ATP9B: variants seen among roughly 807,000 people sequenced by gnomAD.
The protein encoded by ATP9B is probable phospholipid-transporting ATPase IIB.
In ATP9B, 110 loss-of-function variants were observed where a neutral mutation model predicts 146.1. The observed-to-expected ratio is 0.75, with a 90% CI of 0.65 to 0.88. ATP9B has a LOEUF of 0.88. ATP9B is among the 40% of genes least tolerant of loss of function. The probability of loss-of-function intolerance (pLI) is 0.00; values close to 1 mark genes in which losing one functional copy is unlikely to be tolerated. For synonymous variants in ATP9B, 604 were observed against 569.7 expected (o/e 1.06, Z -0.86); for missense variants, 1,499 against 1,496.4 (o/e 1.00, Z -0.03).
chr18:79,323,556 A>G (rs1218492205), intron 15 of ATP9B, among the ~76,000 whole-genome samples: 4 of 152,118 alleles, frequency 2.6e-5, no homozygotes, highest in Middle Eastern at 3.2e-3. Flanking sequence ...GAGAAGACCC[A>G]GTGTTTGTCT....
chr18:79,271,215 G>A (rs957694954), intron 12 of ATP9B, among the ~76,000 whole-genome samples: 1 of 152,006 alleles, frequency 6.6e-6, no homozygotes, highest in Non-Finnish European at 1.5e-5. Context: ...ATGACTTTCT[G>A]TAATACTTTG....
At chr18:79,328,187 GTGTGTTCTC>G (rs2096771512) in intron 15 of ATP9B, among the ~76,000 whole-genome samples, 2 of 151,432 alleles carry the variant, frequency 1.3e-5, no homozygotes, top group African/African-American at 4.8e-5. Context: ...TCTGTGGTTA[GTGTGTTCTC>G]CGTGGTTAGC....
Position 79,180,065 on chromosome 18 carries a change from T to TA in ATP9B, c.873+3159dup, listed in dbSNP as rs1466654667. On this transcript the variant is annotated intron_variant, in intron 8 of 29. Transcript: ENST00000426216. ...TTGAGACATCTATTTTGTTCTTTAC[T>TA]ATTATAGTAATTTCAGCTTTTTTTA... 2.0e-5 allele frequency among the ~76,000 whole-genome samples: 3 copies of TA among 152,366 alleles called. No homozygotes were observed. In the East Asian group the frequency reaches 5.8e-4, roughly 29 times the overall value.
intron 6 of ATP9B, among the ~76,000 whole-genome samples, chr18:79,152,383 A>C (rs889646575): frequency 1.3e-5 from 2 of 152,076 alleles, no homozygotes; most frequent in Non-Finnish European, 2.9e-5. Flanking sequence ...TTCCTTTCTT[A>C]TCAGTTTGTG....
At chr18:79,339,956 T>G (rs2147332811) in intron 19 of ATP9B, among the ~76,000 whole-genome samples, 1 of 152,298 alleles carries the variant, frequency 6.6e-6, no homozygotes, top group East Asian at 1.9e-4. Flanking sequence ...GCCAAAAAGT[T>G]GAATAACGAA....
At chr18:79,282,658 A>G (rs1250050334) in intron 13 of ATP9B, among the ~76,000 whole-genome samples, 5 of 152,240 alleles carry the variant, frequency 3.3e-5, no homozygotes, top group African/African-American at 1.2e-4. Flanking sequence ...TGAACTGGGA[A>G]ACGCAAAAAG....
chr18:79,365,549 AT>A (rs2097021543), intron 26 of ATP9B, among the ~76,000 whole-genome samples: 1 of 152,270 alleles, frequency 6.6e-6, no homozygotes, highest in Non-Finnish European at 1.5e-5. Flanking sequence ...TAAATCCTAT[AT>A]ATGAATGTTC....
intron 4 of ATP9B, among the ~76,000 whole-genome samples, chr18:79,114,053 C>T (rs1018645762): frequency 2.6e-5 from 4 of 152,170 alleles, no homozygotes; most frequent in Non-Finnish European, 5.9e-5. Context: ...CCACTGCAAC[C>T]TCCGCCTCCC....
rs532931384 is a variant in ATP9B at position 79,355,460 on chromosome 18, A to G, written c.2904-3894A>G. Among the ~76,000 whole-genome samples, 12 of 152,336 alleles carry G rather than the reference A, an allele frequency of 7.9e-5. No homozygotes were observed. In the East Asian group the frequency reaches 2.3e-3, roughly 29 times the overall value. ...TAGAGATGAGAAATAACCCAGACAA[A>G]AAAAAATGCCGTGACTGGGCTCAGC... On this transcript the variant is annotated intron_variant, in intron 25 of 29. Transcript: ENST00000426216.
At chr18:79,146,443 C>T (rs7232687) in intron 6 of ATP9B, 10,111 of 29,020 alleles carry the variant, frequency 0.35, 2,881 homozygotes, top group African/African-American at 0.66. Context: ...GGAGAGTGAC[C>T]GAAGGTGCAG....
chr18:79,341,568 C>T lies in ATP9B; in HGVS notation c.2284-700C>T, dbSNP rs550828471. 6.9e-4 allele frequency among the ~76,000 whole-genome samples: 100 copies of T among 145,694 alleles called. 1 individual carries two copies. Among genetic ancestry groups the T allele is most frequent in the African/African-American group, 2.3e-3 (87 of 38,314 alleles). On this transcript the variant is annotated intron_variant, in intron 19 of 29. Transcript: ENST00000426216. ...TTTAGTTGTGGTTGTATGTGTGTAG[C>T]GTGACCTCGTTGAAGCCTGTGTTGC...
chr18:79,082,769 C>T (rs1433710560), intron 1 of ATP9B, among the ~76,000 whole-genome samples: 1 of 152,240 alleles, frequency 6.6e-6, no homozygotes, highest in Non-Finnish European at 1.5e-5. Context: ...CCTGTTTCTT[C>T]CTCTGGAAGC....
chr18:79,119,101 G>A (rs2094144528), intron 4 of ATP9B, among the ~76,000 whole-genome samples: 1 of 146,766 alleles, frequency 6.8e-6, no homozygotes, highest in Admixed American at 6.7e-5. Context: ...TGCCTTGTGG[G>A]TTAAAACTGT....
chr18:79,313,762 A>AT (rs1332542231), intron 15 of ATP9B, among the ~76,000 whole-genome samples: 1 of 152,194 alleles, frequency 6.6e-6, no homozygotes, highest in South Asian at 2.1e-4. Flanking sequence ...TTACAGTTAA[A>AT]TTTTTTTACT....
At chr18:79,314,032 C>G (rs758192597) in intron 15 of ATP9B, among the ~76,000 whole-genome samples, 2 of 152,178 alleles carry the variant, frequency 1.3e-5, no homozygotes, top group Non-Finnish European at 2.9e-5. Flanking sequence ...GTTTCCCGAT[C>G]ACCAAAGTAC....
intron 23 of ATP9B, among the ~76,000 whole-genome samples, chr18:79,347,083 C>T (rs890537202): frequency 6.6e-6 from 1 of 152,228 alleles, no homozygotes; most frequent in Non-Finnish European, 1.5e-5. Flanking sequence ...CATGGCCTCC[C>T]TCCTGTTTTC....
At chr18:79,168,063 G>C (rs1038239808) in intron 7 of ATP9B, among the ~76,000 whole-genome samples, 1 of 152,206 alleles carries the variant, frequency 6.6e-6, no homozygotes, top group African/African-American at 2.4e-5. Flanking sequence ...GATCCTGCCA[G>C]CTCCATGGAG....
At chr18:79,336,077 G>A (rs1217603449) in intron 17 of ATP9B, among the ~76,000 whole-genome samples, 23 of 141,334 alleles carry the variant, frequency 1.6e-4, no homozygotes, top group Middle Eastern at 4.0e-3. Flanking sequence ...CCCCTCGCCC[G>A]TCCCCAGCAC....
chr18:79,204,730 C>T (rs1444918007), intron 9 of ATP9B, among the ~76,000 whole-genome samples: 3 of 152,160 alleles, frequency 2.0e-5, no homozygotes, highest in Non-Finnish European at 2.9e-5. Context: ...ATACTGTAGA[C>T]AGATTGTTTC....
Sources: allele counts gnomAD v4.1 joint callset (sites outside exome capture counted in the v4.1 genomes callset), GRCh38; gene constraint gnomAD v4.1.1; transcripts MANE v1.5; gene names NCBI Gene and HGNC (gene_info 2026-07-23, HGNC 2026-07-21).